PRAG1: variants seen among roughly 807,000 people sequenced by gnomAD.
PRAG1 encodes inactive tyrosine-protein kinase PRAG1.
A neutral mutation model predicts 95.6 loss-of-function variants in PRAG1; 110 were observed. The ratio of observed to expected loss-of-function variants is 1.15; its 90% CI spans 0.99 to 1.35. The LOEUF (loss-of-function observed/expected upper bound fraction) is 1.35, where lower values mean the gene tolerates loss of function less well. Among genes scored for constraint, PRAG1 ranks in the 40% most tolerant of loss-of-function variants. PRAG1 has a pLI of 0.00. For missense variants in PRAG1, 2,554 were observed against 1,864.7 expected, an observed-to-expected ratio of 1.37 and a Z score of -6.81; for synonymous variants, 1,052 against 819.4, an observed-to-expected ratio of 1.28 and a Z score of -4.85.
intron 1 of PRAG1, among the ~76,000 whole-genome samples, chr8:8,386,027 A>G (rs1234328650): frequency 1.3e-5 from 2 of 152,176 alleles, no homozygotes; most frequent in African/African-American, 2.4e-5. Context: ...CCATCCTAAC[A>G]GTCGGTCCTC....
At chr8:8,379,034 G>GTAGTTTCTGAAC (rs1800543599) in intron 2 of PRAG1, among the ~76,000 whole-genome samples, 2 of 151,820 alleles carry the variant, frequency 1.3e-5, no homozygotes, top group South Asian at 4.2e-4. Context: ...AGGGTGAGGG[G>GTAGTTTCTGAAC]TGGCTTCTGA....
intron 1 of PRAG1, among the ~76,000 whole-genome samples, chr8:8,384,822 C>T (rs1000218637): frequency 1.3e-5 from 2 of 152,112 alleles, no homozygotes; most frequent in African/African-American, 4.8e-5. Context: ...AGGCAGCCCC[C>T]AGAATTATGC....
chr8:8,345,949 C>G (rs1456510138), intron 3 of PRAG1, among the ~76,000 whole-genome samples: 1 of 152,150 alleles, frequency 6.6e-6, no homozygotes, highest in East Asian at 1.9e-4. Context: ...AAAAAATGAA[C>G]AGGAAGCTTG....
intron 5 of PRAG1, among the ~76,000 whole-genome samples, chr8:8,323,384 C>A (rs1214347357): frequency 1.4e-5 from 2 of 148,046 alleles, no homozygotes; most frequent in African/African-American, 5.0e-5. Context: ...AGTGGCGCAT[C>A]TTGGCTCACT....
At chr8:8,347,984 T>G (rs954042983) in intron 3 of PRAG1, among the ~76,000 whole-genome samples, 1 of 152,052 alleles carries the variant, frequency 6.6e-6, no homozygotes, top group Non-Finnish European at 1.5e-5. Flanking sequence ...TGGCGTGATC[T>G]TGGCTCACTA....
chr8:8,348,471 G>C (rs1188681887), intron 3 of PRAG1, among the ~76,000 whole-genome samples: 2 of 152,036 alleles, frequency 1.3e-5, no homozygotes, highest in Admixed American at 6.6e-5. Flanking sequence ...ACATTCCTAG[G>C]CTTCTGGTTT....
intron 1 of PRAG1, 100 bp from the exon 2 acceptor site, chr8:8,381,934 GA>G (rs958873349): frequency 1.8e-5 from 10 of 541,606 alleles, no homozygotes; most frequent in Non-Finnish European, 1.6e-5. Flanking sequence ...AGAAGGAGGA[GA>G]AAAAGGTAAA....
intron 4 of PRAG1, 76 bp from the exon 5 acceptor site, chr8:8,328,537 T>TGGACCCAAA (rs144816689): frequency 7.2e-5 from 69 of 953,478 alleles, no homozygotes; most frequent in Admixed American, 1.3e-4. Flanking sequence ...CTTGTTTCCC[T>TGGACCCAAA]TTATTTATTT....
intron 5 of PRAG1, among the ~76,000 whole-genome samples, chr8:8,320,998 C>T (rs977480516): frequency 1.3e-5 from 2 of 152,214 alleles, no homozygotes; most frequent in African/African-American, 4.8e-5. Context: ...AAGACATTTA[C>T]CCCAGACATT....
intron 3 of PRAG1, among the ~76,000 whole-genome samples, chr8:8,351,358 C>T (rs1470711921): frequency 1.3e-5 from 2 of 152,160 alleles, no homozygotes; most frequent in Non-Finnish European, 2.9e-5. Flanking sequence ...CAGACCCCAT[C>T]TCCAATATTC....
At chr8:8,362,374 C>G (rs1457635457) in intron 3 of PRAG1, among the ~76,000 whole-genome samples, 1 of 152,230 alleles carries the variant, frequency 6.6e-6, no homozygotes, top group East Asian at 1.9e-4. Context: ...AGTACTTTGT[C>G]ACACCCCTGT....
chr8:8,367,871 G>A (rs1332829601), intron 3 of PRAG1, among the ~76,000 whole-genome samples: 2 of 152,136 alleles, frequency 1.3e-5, no homozygotes, highest in African/African-American at 2.4e-5. Context: ...TCAATCTCCT[G>A]ACCTCGTGAT....
rs750150513 is a variant in PRAG1, at chr8:8,377,010, T to C, written c.1399A>G (p.Thr467Ala). The C allele has an allele frequency of 6.2e-7, 1 of 1,613,598 alleles. No individual in the cohort carries two copies. The highest frequency in any genetic ancestry group is 8.5e-7 in the Non-Finnish European group (1 of 1,179,896). ...GTGATGGTGGCTGACACCTGGGGAG[T>C]TGGGTCTGGGCTGTCCCGGCCCCAG... Reference protein sequence around the residue: ...SGWGRDSPDPTPQVSATITVM... With the variant: ...SGWGRDSPDPAPQVSATITVM... Residue 467 changes from threonine to alanine, a missense_variant, in exon 3 of 6, where the codon ACT becomes GCT. Coordinates refer to ENST00000615670, the MANE Select transcript of PRAG1 (RefSeq NM_001080826.3).
chr8:8,365,328 A>T (rs1250081189), intron 3 of PRAG1, among the ~76,000 whole-genome samples: 3 of 152,196 alleles, frequency 2.0e-5, no homozygotes, highest in Non-Finnish European at 2.9e-5. Context: ...CTGGGCACTG[A>T]AAATCAATAC....
chr8:8,363,843 G>A (rs1914824), intron 3 of PRAG1, among the ~76,000 whole-genome samples: 32,538 of 151,988 alleles, frequency 0.21, 4,217 homozygotes, highest in African/African-American at 0.36. Flanking sequence ...TTTATATTAA[G>A]TATATTGTGC....
Position 8,318,369 on chromosome 8 carries a change from G to A in PRAG1, c.4006C>T (p.Leu1336=). 1 of 1,613,526 alleles carries A rather than the reference G, an allele frequency of 6.2e-7. No individual in the cohort carries two copies. The highest frequency in any genetic ancestry group is 8.5e-7 in the Non-Finnish European group (1 of 1,179,710). The change falls in exon 6 of 6, where the codon CTG becomes TTG. Residue 1336 remains leucine (L), a synonymous_variant. Transcript: ENST00000615670. This position sits in a 1 kb window ranked among gnomAD's most constrained non-coding sequence, Gnocchi z 4.2. Reference sequence around the variant, plus strand: ...TCCGAGGTGCCCGGCTGCTGCACCAGCTCGCGCCGAGGCCCCCACAGCAGG... The same window carrying A: ...TCCGAGGTGCCCGGCTGCTGCACCAACTCGCGCCGAGGCCCCCACAGCAGG... ...QCLLWGPRRE[L]VQQPGTSEEA... is the part of the protein sequence containing the mutation.
At position 8,318,744 on chromosome 8, in the gene PRAG1, GGGGCAGCTGCTTCTCCCGGGGCCCTTCC is replaced by G. The variant is rs754708144; in HGVS notation, c.3603_3630del (p.Glu1202GlyfsTer8). 4 of 1,600,578 alleles carry G rather than the reference GGGGCAGCTGCTTCTCCCGGGGCCCTTCC, an allele frequency of 2.5e-6. No homozygotes were observed. Among genetic ancestry groups the G allele is most frequent in the Non-Finnish European group, 3.4e-6 (4 of 1,173,744 alleles). On this transcript the variant is annotated frameshift_variant, in exon 6 of 6. Coordinates refer to ENST00000615670, the MANE Select transcript of PRAG1 (RefSeq NM_001080826.3). LOFTEE classifies it high-confidence loss of function. This position sits in a 1 kb window ranked among gnomAD's most constrained non-coding sequence, Gnocchi z 4.2. ...TTCAAAAAGTTGCTGATGATGAGCC[GGGGCAGCTGCTTCTCCCGGGGCCCTTCC>G]GGGGAGGCGGGGCCGGCTGCGGGGC...
intron 4 of PRAG1, among the ~76,000 whole-genome samples, chr8:8,331,046 T>C (rs1212083168): frequency 6.6e-6 from 1 of 152,128 alleles, no homozygotes; most frequent in Non-Finnish European, 1.5e-5. Flanking sequence ...TGATTCTCAA[T>C]TTATCATCAA....
intron 3 of PRAG1, among the ~76,000 whole-genome samples, chr8:8,352,949 C>CA (rs1799572157): frequency 1.3e-5 from 2 of 151,804 alleles, no homozygotes; most frequent in African/African-American, 4.8e-5. Flanking sequence ...GACTCCAAGT[C>CA]AAAAATGGTT....
Sources: gnomAD v4.1 joint callset for allele counts (sites outside exome capture counted in the v4.1 genomes callset) on GRCh38, gnomAD v4.1.1 for gene constraint, Gnocchi (gnomAD v3.1) non-coding constraint, MANE v1.5 for transcripts, NCBI Gene and HGNC (gene_info 2026-07-23, HGNC 2026-07-21) for gene names.